MASTL: variants seen among roughly 807,000 people sequenced by gnomAD.
The protein encoded by MASTL is serine/threonine-protein kinase greatwall.
A neutral mutation model predicts 82.5 loss-of-function variants in MASTL; 54 were observed. That is an observed-to-expected ratio of 0.65 (90% CI 0.53 to 0.82). The LOEUF (loss-of-function observed/expected upper bound fraction) is 0.82. MASTL is among the 40% of genes least tolerant of loss of function. MASTL has a pLI of 0.00. For synonymous variants in MASTL, 323 were observed against 368.9 expected, an observed-to-expected ratio of 0.88 and a Z score of 1.43; for missense variants, 950 against 1,047.8, an observed-to-expected ratio of 0.91 and a Z score of 1.29.
intron 3 of MASTL, among the ~76,000 whole-genome samples, chr10:27,160,385 A>G (rs1049162667): frequency 2.0e-5 from 3 of 151,868 alleles, no homozygotes; most frequent in Non-Finnish European, 4.4e-5. Flanking sequence ...CAACTGATTT[A>G]CAATGTTTTT....
At chr10:27,186,041 A>T (rs1222870278) in intron 11 of MASTL, among the ~76,000 whole-genome samples, 1 of 152,228 alleles carries the variant, frequency 6.6e-6, no homozygotes, top group Non-Finnish European at 1.5e-5. Context: ...GTGAGCAGAG[A>T]TCGCGCCACT....
intron 6 of MASTL, among the ~76,000 whole-genome samples, chr10:27,165,774 A>G (rs1169624973): frequency 6.6e-6 from 1 of 151,542 alleles, no homozygotes; most frequent in Non-Finnish European, 1.5e-5. Context: ...GTTGGTGCAC[A>G]CTTGTGGTCC....
chr10:27,167,026 TATA>T, intron 6 of MASTL, 73 bp from the exon 7 acceptor site: 1 of 1,136,984 alleles, frequency 8.8e-7, no homozygotes, highest in Non-Finnish European at 1.3e-6. Context: ...TTTGCTTAAT[TATA>T]TGTAAAGATT....
intron 1 of MASTL, among the ~76,000 whole-genome samples, chr10:27,156,810 G>A (rs1351329859): frequency 6.7e-6 from 1 of 150,092 alleles, no homozygotes; most frequent in Non-Finnish European, 1.5e-5. Context: ...GTGAGCCACC[G>A]CGCCCTGCCC....
intron 6 of MASTL, 115 bp from the exon 7 acceptor site, chr10:27,166,987 A>G (rs61849012): frequency 8.0e-6 from 1 of 124,594 alleles, no homozygotes; most frequent in Admixed American, 1.0e-4. Flanking sequence ...TGTAATTCTT[A>G]ATACATATTA....
chr10:27,158,605 G>A lies in MASTL; in HGVS notation c.243G>A (p.Glu81=). The A allele has an allele frequency of 6.2e-7, 1 of 1,613,056 alleles. No homozygotes were observed. The highest frequency in any genetic ancestry group is 1.1e-5 in the South Asian group (1 of 91,064). The change falls in exon 2 of 12, where the codon GAG becomes GAA. Residue 81 remains glutamate (E), a synonymous_variant. Transcript: ENST00000375940. ...ATATGACTCATCAGGTCCAAGCTGA[G>A]AGAGATGCACTGGCACTAAGCAAAA... is the stretch of plus-strand genomic sequence containing the variant. ...NKNMTHQVQA[E]RDALALSKSP... is the part of the protein sequence containing the mutation.
upstream of MASTL, chr10:27,155,237 C>A (rs2057311154): frequency 3.2e-6 from 2 of 620,728 alleles, no homozygotes; most frequent in Non-Finnish European, 5.6e-6. Flanking sequence ...TGTAAGGCTG[C>A]GAAGTCGGGG....
chr10:27,165,274 A>C, intron 5 of MASTL, 104 bp downstream of exon 5: 1 of 1,396,626 alleles, frequency 7.2e-7, no homozygotes, highest in Non-Finnish European at 1.0e-6. Context: ...TTTAAATATC[A>C]AGCATTTGGA....
chr10:27,157,855 C>A (rs925714507), intron 1 of MASTL, among the ~76,000 whole-genome samples: 6 of 150,906 alleles, frequency 4.0e-5, no homozygotes, highest in Admixed American at 4.0e-4. Flanking sequence ...CCCCATCTAT[C>A]AAAAAATCAG....
chr10:27,156,097 C>G (rs1459909083), intron 1 of MASTL, among the ~76,000 whole-genome samples: 1 of 152,050 alleles, frequency 6.6e-6, no homozygotes, highest in East Asian at 1.9e-4. Context: ...CTCCGCCCCC[C>G]GGGTTCACGC....
intron 4 of MASTL, among the ~76,000 whole-genome samples, chr10:27,163,373 TATTTCGAAATCTG>T (rs1421304606): frequency 1.3e-5 from 2 of 152,206 alleles, no homozygotes; most frequent in Non-Finnish European, 2.9e-5. Flanking sequence ...TTTGAAATCT[TATTTCGAAATCTG>T]ATTCTAAGGA....
intron 6 of MASTL, 116 bp downstream of exon 6, chr10:27,165,655 C>T (rs2057718078): frequency 1.6e-6 from 2 of 1,220,928 alleles, no homozygotes; most frequent in Admixed American, 1.9e-5. Flanking sequence ...CTCTGTCATC[C>T]AGGCTGGAGT....
intron 11 of MASTL, among the ~76,000 whole-genome samples, chr10:27,184,227 G>C (rs2058500223): frequency 6.6e-6 from 1 of 152,156 alleles, no homozygotes; most frequent in African/African-American, 2.4e-5. Context: ...ATAAAGCAGG[G>C]TGAGAGGATA....
intron 4 of MASTL, among the ~76,000 whole-genome samples, chr10:27,164,225 G>T (rs1439356830): frequency 6.6e-6 from 1 of 152,186 alleles, no homozygotes; most frequent in Non-Finnish European, 1.5e-5. Context: ...GCTTACTGTA[G>T]CCTTGAACTC....
chr10:27,155,410 CTG>C lies in MASTL; in HGVS notation c.-15_-14del. 6.3e-7 allele frequency: 1 copy of C among 1,594,586 alleles called. No individual in the cohort carries two copies. The highest frequency in any genetic ancestry group is 8.5e-7 in the Non-Finnish European group (1 of 1,172,566). On this transcript the variant is annotated 5_prime_UTR_variant, in exon 1 of 12. Transcript: ENST00000375940. ...CGGAGGGGCAGTGTCTGCGGGGCCG[CTG>C]TATGCTGTCCAGCGATGGATCCCAC...
chr10:27,160,159 C>CTTTTTTTT (rs58196933), intron 3 of MASTL, among the ~76,000 whole-genome samples: 2 of 40,604 alleles, frequency 4.9e-5, no homozygotes, highest in Admixed American at 4.4e-4. Context: ...TTACTCTTGG[C>CTTTTTTTT]TTTTTTTTTT....
Position 27,170,362 on chromosome 10 carries a change from A to G in MASTL, c.1403A>G (p.Tyr468Cys), listed in dbSNP as rs960662226. 3 of 1,613,894 alleles carry G rather than the reference A, an allele frequency of 1.9e-6. No homozygotes were observed. Among genetic ancestry groups the G allele is most frequent in the Non-Finnish European group, 2.5e-6 (3 of 1,179,792 alleles). ...CAGAATAAAAAAACTTGTGTAGAGT[A>G]TAAGCATAACGAAATGACAAATTGT... The part of the protein sequence containing the change: ...IIQNKKTCVE[Y>C]KHNEMTNCYT... The change falls in exon 8 of 12, where the codon TAT (tyrosine) becomes TGT (cysteine). Residue 468 changes from tyrosine (Y) to cysteine (C), a missense_variant. Physicochemically the swap from Tyr to Cys is radical, Grantham distance 194 (BLOSUM62 -2). Coordinates refer to ENST00000375940, the MANE Select transcript of MASTL (RefSeq NM_001172303.3).
rs1482577886 is a variant in MASTL, at chr10:27,170,591, T to C, written c.1632T>C (p.Ser544=). Reference sequence around the variant, plus strand: ...TCGATGAAGACTGTGAAAAGAATAGTAAGAGGGACTACTTAAGTTCTAGTT... The same window carrying C: ...TCGATGAAGACTGTGAAAAGAATAGCAAGAGGGACTACTTAAGTTCTAGTT... The part of the protein sequence containing the change: ...CELDEDCEKN[S]KRDYLSSSFL... Residue 544 remains serine, a synonymous_variant, in exon 8 of 12, where the codon AGT becomes AGC. Transcript: ENST00000375940. The C allele has an allele frequency of 2.5e-6, 4 of 1,610,914 alleles. No homozygotes were observed. The highest frequency in any genetic ancestry group is 3.4e-6 in the Non-Finnish European group (4 of 1,178,808).
rs1415237850 is a variant in MASTL at position 27,187,895 on chromosome 10, G to A, written c.*1359G>A. Among the ~76,000 whole-genome samples, 2 of 152,056 alleles carry A rather than the reference G, an allele frequency of 1.3e-5. No individual in the cohort carries two copies. Among genetic ancestry groups the A allele is most frequent in the African/African-American group, 4.8e-5 (2 of 41,392 alleles). On this transcript the variant is annotated 3_prime_UTR_variant, in exon 12 of 12. Coordinates refer to ENST00000375940, the MANE Select transcript of MASTL (RefSeq NM_001172303.3). ...CATGCAACATTATCAGAAACAGATTGGTCCTTAAAAAACAAAACATAATTT... is the reference window on the plus strand; with the variant it reads ...CATGCAACATTATCAGAAACAGATTAGTCCTTAAAAAACAAAACATAATTT...
Sources: allele counts gnomAD v4.1 joint callset (sites outside exome capture counted in the v4.1 genomes callset), GRCh38; gene constraint gnomAD v4.1.1; transcripts MANE v1.5; gene names NCBI Gene and HGNC (gene_info 2026-07-23, HGNC 2026-07-21).